FMN1: variants seen among roughly 807,000 people sequenced by gnomAD.
FMN1 encodes the protein formin 1, also known as formin-1.
FMN1 carries 110 observed loss-of-function variants against 132.4 expected under a neutral mutation model. The ratio of observed to expected loss-of-function variants is 0.83; its 90% confidence interval spans 0.71 to 0.97. The LOEUF is 0.97. Among genes scored for constraint, FMN1 ranks in the 50% least tolerant of loss-of-function variants. The pLI is 0.00. For synonymous variants in FMN1, 722 were observed against 651.7 expected (o/e 1.11, Z -1.64); for missense variants, 1,792 against 1,705.3 (o/e 1.05, Z -0.90).
chr15:33,107,670 C>G (rs1307311613), intron 4 of FMN1, among the ~76,000 whole-genome samples: 2 of 152,112 alleles, frequency 1.3e-5, no homozygotes, highest in Non-Finnish European at 2.9e-5. Context: ...CTCAAATATC[C>G]TTCGAGCAGA....
At chr15:32,984,365 C>A (rs185278770) in intron 7 of FMN1, among the ~76,000 whole-genome samples, 4 of 152,272 alleles carry the variant, frequency 2.6e-5, no homozygotes, top group African/African-American at 4.8e-5. Context: ...GCAATTAGCA[C>A]AGTTTCCTCC....
chr15:33,014,708 G>C (rs531325936), intron 6 of FMN1, among the ~76,000 whole-genome samples: 86 of 152,224 alleles, frequency 5.6e-4, no homozygotes, highest in Middle Eastern at 3.4e-3. Context: ...TAGCTAATTG[G>C]TTCCTTCCCT....
At chr15:33,021,593 C>T (rs1182681736) in intron 6 of FMN1, among the ~76,000 whole-genome samples, 2 of 150,132 alleles carry the variant, frequency 1.3e-5, no homozygotes, top group Non-Finnish European at 2.9e-5. Context: ...AAAAGAGGTA[C>T]AAAAAGTCAG....
At chr15:33,158,134 C>T (rs1195234075) in intron 3 of FMN1, among the ~76,000 whole-genome samples, 1 of 152,094 alleles carries the variant, frequency 6.6e-6, no homozygotes, top group Non-Finnish European at 1.5e-5. Flanking sequence ...CAGGAGTTCA[C>T]TACAGCTGGT....
chr15:33,128,663 G>A (rs1192222211), intron 4 of FMN1, among the ~76,000 whole-genome samples: 2 of 152,138 alleles, frequency 1.3e-5, no homozygotes, highest in African/African-American at 2.4e-5. Flanking sequence ...GGATGCTCCG[G>A]TGAGTTTGTA....
At chr15:33,000,255 C>T (rs1308246930) in intron 7 of FMN1, among the ~76,000 whole-genome samples, 1 of 151,988 alleles carries the variant, frequency 6.6e-6, no homozygotes, top group Admixed American at 6.6e-5. Flanking sequence ...CAAGACTATG[C>T]CGGCTAACAC....
Position 32,979,426 on chromosome 15 carries a change from G to C in FMN1, c.2224-9949C>G, listed in dbSNP as rs1287527018. ...AAAAAATTAGCCGGGCGTGGTGGTG[G>C]GTGCCTGTAGTCCCAGCTACTTGGG... On this transcript the variant is annotated intron_variant, in intron 7 of 20. Transcript: ENST00000616417. Among the ~76,000 whole-genome samples, 5 of 151,814 alleles carry C rather than the reference G, an allele frequency of 3.3e-5. No homozygotes were observed. The East Asian group carries it at 9.7e-4, about 29-fold the overall frequency.
At chr15:32,958,667 C>T (rs192650665) in intron 9 of FMN1, among the ~76,000 whole-genome samples, 2 of 152,170 alleles carry the variant, frequency 1.3e-5, no homozygotes, top group South Asian at 4.1e-4. Flanking sequence ...ATCTGAGTTC[C>T]ACAGACTCTT....
At chr15:33,060,987 G>A (rs185756569) in intron 6 of FMN1, among the ~76,000 whole-genome samples, 2 of 152,248 alleles carry the variant, frequency 1.3e-5, no homozygotes, top group East Asian at 1.9e-4. Context: ...ATACAACATA[G>A]GAGATGGAGG....
At chr15:32,925,406 C>T (rs540764973) in intron 10 of FMN1, among the ~76,000 whole-genome samples, 1 of 152,250 alleles carries the variant, frequency 6.6e-6, no homozygotes, top group East Asian at 1.9e-4. Flanking sequence ...CTAGATCAGA[C>T]AGTTTATAGA....
At chr15:33,110,469 G>A (rs375297998) in intron 4 of FMN1, among the ~76,000 whole-genome samples, 9 of 151,482 alleles carry the variant, frequency 5.9e-5, no homozygotes, top group East Asian at 3.9e-4. Context: ...GGTTTTTTTC[G>A]TATCCTTATG....
chr15:32,963,781 G>C lies in FMN1; in HGVS notation c.3138+326C>G, dbSNP rs139208176. ...GCTGAAAAAGTCCAGATTAAATTTT[G>C]AAAATTCAGAAGATATGGCCAAAAT... is the stretch of plus-strand genomic sequence containing the variant. On this transcript the variant is annotated intron_variant, in intron 9 of 20. Transcript: ENST00000616417. 7.3e-3 allele frequency among the ~76,000 whole-genome samples: 1,103 copies of C among 152,058 alleles called. 15 individuals carry two copies. The highest frequency in any genetic ancestry group is 0.025 in the African/African-American group (1,051 of 41,454).
chr15:33,059,069 T>A (rs2037364739), intron 6 of FMN1, among the ~76,000 whole-genome samples: 1 of 152,222 alleles, frequency 6.6e-6, no homozygotes, highest in African/African-American at 2.4e-5. Flanking sequence ...CAGCCTCTGA[T>A]AACCATCATT....
chr15:33,110,373 T>A (rs1283962692), intron 4 of FMN1, among the ~76,000 whole-genome samples: 3 of 152,094 alleles, frequency 2.0e-5, no homozygotes, highest in Non-Finnish European at 2.9e-5. Context: ...TGTATCAAGT[T>A]CAGGAAATTT....
At chr15:32,819,826 C>T (rs2058161347) in intron 17 of FMN1, among the ~76,000 whole-genome samples, 1 of 152,000 alleles carries the variant, frequency 6.6e-6, no homozygotes, top group South Asian at 2.1e-4. Context: ...TGAAACAATG[C>T]TGTTATTATT....
At chr15:33,117,190 A>G (rs746732137) in intron 4 of FMN1, among the ~76,000 whole-genome samples, 1 of 148,196 alleles carries the variant, frequency 6.7e-6, no homozygotes, top group Non-Finnish European at 1.5e-5. Flanking sequence ...GGAGTCCCCA[A>G]CCCCTACTCC....
intron 4 of FMN1, among the ~76,000 whole-genome samples, chr15:33,111,635 C>G (rs2039709158): frequency 6.6e-6 from 1 of 152,136 alleles, no homozygotes. Context: ...GAAGGAGTAT[C>G]TTTTGCCTAT....
intron 9 of FMN1, among the ~76,000 whole-genome samples, chr15:32,961,869 C>T (rs1444571066): frequency 6.6e-6 from 1 of 152,156 alleles, no homozygotes; most frequent in Non-Finnish European, 1.5e-5. Flanking sequence ...TTGTCTCTGA[C>T]TGCCTGACAG....
At chr15:33,122,801 T>C (rs906899455) in intron 4 of FMN1, among the ~76,000 whole-genome samples, 8 of 152,154 alleles carry the variant, frequency 5.3e-5, no homozygotes, top group Admixed American at 5.2e-4. Context: ...TGTTACATAA[T>C]CTGAAAGAAG....
Sources: gnomAD v4.1 joint callset for allele counts (sites outside exome capture counted in the v4.1 genomes callset) on GRCh38, gnomAD v4.1.1 for gene constraint, MANE v1.5 for transcripts, NCBI Gene and HGNC (gene_info 2026-07-23, HGNC 2026-07-21) for gene names.